The following NEU3 variants were observed in gnomAD, a reference collection of about 807,000 sequenced individuals.
The protein encoded by NEU3 is sialidase-3.
A neutral mutation model predicts 11.4 loss-of-function variants in NEU3; 10 were observed. The observed-to-expected ratio is 0.88, with a 90% CI of 0.54 to 1.49. The LOEUF is 1.49. NEU3 is among the 40% of genes most tolerant of loss of function. The probability of loss-of-function intolerance (pLI) is 0.00; values close to 1 mark genes in which losing one functional copy is unlikely to be tolerated. For missense variants in NEU3, 529 were observed against 581.8 expected (o/e 0.91, Z 0.93); for synonymous variants, 212 against 228.2 (o/e 0.93, Z 0.64).
chr11:74,990,204 T>A, intron 1 of NEU3: 1 of 547,718 alleles, frequency 1.8e-6, no homozygotes, highest in Non-Finnish European at 3.2e-6. Context: ...CTTAGGTAGG[T>A]ATTATTATCC....
At position 75,005,784 on chromosome 11, in the gene NEU3, A is replaced by G. The variant is rs1948891111; in HGVS notation, c.678A>G (p.Pro226=). 1 of 1,613,762 alleles carries G rather than the reference A, an allele frequency of 6.2e-7. No individual in the cohort carries two copies. Among genetic ancestry groups the G allele is most frequent in the South Asian group, 1.1e-5 (1 of 91,084 alleles). Residue 226 remains proline, a synonymous_variant, in exon 3 of 3, where the codon CCA becomes CCG. Transcript: ENST00000294064. ...IPSWFFCFQL[P]CKTRPHSLMI... Reference sequence around the variant, plus strand: ...CCTGGTTCTTTTGCTTCCAGCTACCATGTAAAACCAGGCCTCATTCTCTGA... The same window carrying G: ...CCTGGTTCTTTTGCTTCCAGCTACCGTGTAAAACCAGGCCTCATTCTCTGA...
intron 2 of NEU3, among the ~76,000 whole-genome samples, chr11:75,004,065 T>C (rs150564802): frequency 6.6e-6 from 1 of 152,316 alleles, no homozygotes; most frequent in African/African-American, 2.4e-5. Context: ...CTTAATTTGA[T>C]GAGCAGATAT....
chr11:74,995,221 A>G (rs1948777455), intron 2 of NEU3, among the ~76,000 whole-genome samples: 1 of 152,228 alleles, frequency 6.6e-6, no homozygotes, highest in Non-Finnish European at 1.5e-5. Flanking sequence ...CACATTTAGC[A>G]GGTGACAGGG....
chr11:74,996,932 AG>A (rs1948795346), intron 2 of NEU3, among the ~76,000 whole-genome samples: 2 of 152,200 alleles, frequency 1.3e-5, no homozygotes, highest in African/African-American at 4.8e-5. Context: ...CCTGAGCAGT[AG>A]GTCTCAACAG....
chr11:74,992,909 G>T (rs1194115571), intron 1 of NEU3, among the ~76,000 whole-genome samples: 1 of 152,030 alleles, frequency 6.6e-6, no homozygotes. Flanking sequence ...GCAGTGAGCC[G>T]AGCTCACACC....
chr11:75,000,890 C>A (rs1318401435), intron 2 of NEU3, among the ~76,000 whole-genome samples: 1 of 151,614 alleles, frequency 6.6e-6, no homozygotes, highest in Non-Finnish European at 1.5e-5. Context: ...TTGCTTTTGC[C>A]TGTTGGGTAT....
the NEU3 span, among the ~76,000 whole-genome samples, chr11:74,983,066 G>A: frequency 6.6e-6 from 1 of 152,272 alleles, no homozygotes; most frequent in Non-Finnish European, 1.5e-5. Context: ...ATTCACAGAT[G>A]TGAAAGTTGT....
In NEU3 at chr11:75,006,620, C is replaced by A; in HGVS notation, c.*128C>A. The A allele has an allele frequency of 1.7e-6, 2 of 1,190,648 alleles. No homozygotes were observed. Among genetic ancestry groups the A allele is most frequent in the Non-Finnish European group, 2.3e-6 (2 of 877,682 alleles). The allele number at this position is 1,190,648 out of a possible 1,614,324, so 73.8% of individuals were successfully genotyped here. On this transcript the variant is annotated 3_prime_UTR_variant, in exon 3 of 3. Transcript: ENST00000294064. ...CCTACCTTTTTTCACTTTTCCTCCT[C>A]CAAAGAGCAAAATGAAAATTTTGCC...
chr11:74,983,931 A>G (rs1179906036), upstream of NEU3, among the ~76,000 whole-genome samples: 3 of 151,944 alleles, frequency 2.0e-5, no homozygotes, highest in South Asian at 2.1e-4. Flanking sequence ...TTTTTTTCCT[A>G]CCTTGTTGGA....
chr11:74,996,226 T>A (rs547850374), intron 2 of NEU3, among the ~76,000 whole-genome samples: 58 of 152,302 alleles, frequency 3.8e-4, no homozygotes, highest in African/African-American at 1.3e-3. Context: ...AAGATTTCTC[T>A]GTAGCATGCA....
intron 1 of NEU3, chr11:74,990,014 T>C: frequency 4.3e-6 from 3 of 702,554 alleles, no homozygotes; most frequent in Non-Finnish European, 7.8e-6. Context: ...TCACCATCTA[T>C]ATTACTTCTG....
At position 75,005,451 on chromosome 11, in the gene NEU3, G is replaced by A. The variant is rs772618610; in HGVS notation, c.345G>A (p.Pro115=). The change falls in exon 3 of 3, where the codon CCG becomes CCA. Residue 115 remains proline, a synonymous_variant. Transcript: ENST00000294064. ...AGCCACTGATGGAAGCCACACTACC[G>A]GGGCATCGGACCATGAACCCCTGTC... ...PLKPLMEATL[P]GHRTMNPCPV... is the part of the protein sequence containing the mutation. The A allele has an allele frequency of 1.5e-5, 25 of 1,613,266 alleles. No homozygotes were observed. The highest frequency in any genetic ancestry group is 1.9e-5 in the Non-Finnish European group (23 of 1,179,588).
Position 75,007,626 on chromosome 11 carries a change from T to C in NEU3, c.*1134T>C, listed in dbSNP as rs1201261870. On this transcript the variant is annotated 3_prime_UTR_variant, in exon 3 of 3. Transcript: ENST00000294064. ...TTAGGAAGATCTCTAGACCCCCAGA[T>C]CTCAGAATCAGGCCTATTTGTGTAG... 6.6e-6 allele frequency: 1 copy of C among 152,206 alleles called. No homozygotes were observed. Among genetic ancestry groups the C allele is most frequent in the Non-Finnish European group, 1.5e-5 (1 of 68,038 alleles). The allele number at this position is 152,206 out of a possible 1,614,324, so 9.4% of individuals were successfully genotyped here. A position where few individuals can be genotyped will look rare whatever the true frequency, so the allele number is the denominator to read the frequency against.
At chr11:74,983,288 G>A (rs1309623101), upstream of NEU3, among the ~76,000 whole-genome samples, 1 of 152,198 alleles carries the variant, frequency 6.6e-6, no homozygotes, top group Non-Finnish European at 1.5e-5. Context: ...AACTAGGAAA[G>A]TTTATAAGTC....
chr11:75,010,905 T>G lies in NEU3; in HGVS notation c.*4413T>G, dbSNP rs1476173789. The G allele has an allele frequency of 6.6e-6, 1 of 151,790 alleles. No homozygotes were observed. The highest frequency in any genetic ancestry group is 1.5e-5 in the Non-Finnish European group (1 of 68,020). 9.4% of individuals were successfully genotyped at this position (151,790 alleles called of 1,614,324 possible). On this transcript the variant is annotated 3_prime_UTR_variant, in exon 3 of 3. Transcript: ENST00000294064. ...AGAGGAATAAAGAACTTAATTCTGG[T>G]GACTATTGTTTTTTTTTTCTTAAAC...
chr11:74,996,877 G>A (rs1234009459), intron 2 of NEU3, among the ~76,000 whole-genome samples: 1 of 152,172 alleles, frequency 6.6e-6, no homozygotes, highest in African/African-American at 2.4e-5. Flanking sequence ...TGGATGACAA[G>A]GTACGTTGTC....
At chr11:74,994,424 C>A in intron 1 of NEU3, 85 bp from the exon 2 acceptor site, 1 of 1,089,072 alleles carries the variant, frequency 9.2e-7, no homozygotes. Flanking sequence ...CCTTTGCTCT[C>A]CAGAAGTGAA....
chr11:74,984,150 C>T (rs1351677352), upstream of NEU3, among the ~76,000 whole-genome samples: 1 of 152,176 alleles, frequency 6.6e-6, no homozygotes, highest in Non-Finnish European at 1.5e-5. Context: ...ATGAAAGGTG[C>T]ATATCGTTGG....
intron 2 of NEU3, among the ~76,000 whole-genome samples, chr11:74,998,557 TCCTAA>T (rs1402500102): frequency 1.3e-5 from 2 of 152,186 alleles, no homozygotes; most frequent in African/African-American, 4.8e-5. Flanking sequence ...ACTTTAATAC[TCCTAA>T]CCTACCCTGC....
Sources: allele counts gnomAD v4.1 joint callset (sites outside exome capture counted in the v4.1 genomes callset), GRCh38; gene constraint gnomAD v4.1.1; transcripts MANE v1.5; gene names NCBI Gene and HGNC (gene_info 2026-07-23, HGNC 2026-07-21).